SUPT7L: variants seen among roughly 807,000 people sequenced by gnomAD.
The protein encoded by SUPT7L is SPT7 like, STAGA complex subunit gamma, also known as STAGA complex 65 subunit gamma.
A neutral mutation model predicts 35.7 loss-of-function variants in SUPT7L; 15 were observed. The ratio of observed to expected loss-of-function variants is 0.42; its 90% CI spans 0.28 to 0.65. The LOEUF is 0.65. Ranked by LOEUF, SUPT7L falls within the 30% of genes least tolerant of loss-of-function variation. The pLI, the probability that SUPT7L is intolerant of heterozygous loss-of-function variation, is 0.23. For synonymous variants in SUPT7L, 168 were observed against 186.2 expected (o/e 0.90, Z 0.79); for missense variants, 434 against 522.2 (o/e 0.83, Z 1.65).
Position 27,653,768 on chromosome 2 carries a change from G to A in SUPT7L, c.983-21C>T, listed in dbSNP as rs748593811. The A allele has an allele frequency of 4.3e-6, 7 of 1,613,950 alleles. No homozygotes were observed. In the Admixed American group the frequency reaches 8.3e-5, roughly 19 times the overall value. On this transcript the variant is annotated intron_variant, in intron 5 of 5. Coordinates refer to ENST00000337768, the MANE Select transcript of SUPT7L (RefSeq NM_014860.3). ...TGCACCTAGAAACAGAGGAAAGATG[G>A]ACATACACCAAGTGTATATGTGTAG...
At position 27,657,306 on chromosome 2, in the gene SUPT7L, A is replaced by G. The variant is rs759200654; in HGVS notation, c.744+39T>C. 6.3e-7 allele frequency: 1 copy of G among 1,595,476 alleles called. No homozygotes were observed. The highest frequency in any genetic ancestry group is 8.6e-7 in the Non-Finnish European group (1 of 1,168,894). Reference sequence around the variant, plus strand: ...ATCCTGCTGAACACTCCGAGATTGCACAGACATCTGTGCCCACTTTTCAAC... The same window carrying G: ...ATCCTGCTGAACACTCCGAGATTGCGCAGACATCTGTGCCCACTTTTCAAC... On this transcript the variant is annotated intron_variant, in intron 4 of 5. Transcript: ENST00000337768. This position sits in a 1 kb window ranked among gnomAD's most constrained non-coding sequence, Gnocchi z 5.2.
Position 27,659,987 on chromosome 2 carries a change from C to G in SUPT7L, c.419+997G>C, listed in dbSNP as rs76519501. On this transcript the variant is annotated intron_variant, in intron 3 of 5. Transcript: ENST00000337768. ...ATTGGCATTAAATACAACTTGCACA[C>G]TGACATCTAGTAGCAGCTCTAGGTT... 3.3e-5 allele frequency among the ~76,000 whole-genome samples: 5 copies of G among 152,178 alleles called. No individual in the cohort carries two copies. The East Asian group carries it at 9.6e-4, about 29-fold the overall frequency.
rs1398254332 is a variant in SUPT7L, at chr2:27,653,712, C to T, written c.1018G>A (p.Ala340Thr). 4 of 1,614,012 alleles carry T rather than the reference C, an allele frequency of 2.5e-6. No homozygotes were observed. Among genetic ancestry groups the T allele is most frequent in the Non-Finnish European group, 2.5e-6 (3 of 1,180,032 alleles). ...EVNASPLWNL[A>T]HVKMEPQESE... ...TCTTGAGGCTCCATTTTCACATGGG[C>T]CAGATTCCAAAGAGGAGAAGCATTT... is the stretch of plus-strand genomic sequence containing the variant. The change falls in exon 6 of 6, where the codon GCC becomes ACC. Residue 340 changes from alanine (A) to threonine (T), a missense_variant. Ala to Thr is a moderately conservative substitution (Grantham distance 58, BLOSUM62 0). Coordinates refer to ENST00000337768, the MANE Select transcript of SUPT7L (RefSeq NM_014860.3).
chr2:27,658,094 C>T (rs1052937093), intron 3 of SUPT7L, among the ~76,000 whole-genome samples: 2 of 152,258 alleles, frequency 1.3e-5, no homozygotes, highest in East Asian at 1.9e-4. Flanking sequence ...TAGAAATTCA[C>T]AGTTCCAATA....
chr2:27,654,731 A>G (rs1383487464), intron 5 of SUPT7L, among the ~76,000 whole-genome samples: 2 of 152,062 alleles, frequency 1.3e-5, no homozygotes, highest in African/African-American at 4.8e-5. Flanking sequence ...CACGCCCAGC[A>G]TATTTTTTGT....
At chr2:27,650,311 CAG>C, downstream of SUPT7L, 1 of 598,152 alleles carries the variant, frequency 1.7e-6, no homozygotes, top group Non-Finnish European at 3.0e-6. Flanking sequence ...TAATTTTCCT[CAG>C]AGTAGCAAAG....
At chr2:27,662,756 T>C (rs1030005446) in intron 1 of SUPT7L, among the ~76,000 whole-genome samples, 5 of 152,134 alleles carry the variant, frequency 3.3e-5, no homozygotes, top group East Asian at 1.9e-4. Flanking sequence ...GTTGAATGTT[T>C]ACTATATGCC....
Position 27,653,693 on chromosome 2 carries a change from G to C in SUPT7L, c.1037C>G (p.Pro346Arg). ...GACATTGCCTTCTTCACTTTCTTGA[G>C]GCTCCATTTTCACATGGGCCAGATT... ...LWNLAHVKMEPQESEEGNVSG... is the reference protein window; with the variant it reads ...LWNLAHVKMERQESEEGNVSG... The change falls in exon 6 of 6, where the codon CCT (proline) becomes CGT (arginine). Residue 346 changes from proline (P) to arginine (R), a missense_variant. Around this residue, in one of 3 missense-constraint regions of SUPT7L, gnomAD observed 159 missense variants for 217.1 expected, o/e 0.73. Coordinates refer to ENST00000337768, the MANE Select transcript of SUPT7L (RefSeq NM_014860.3). The C allele has an allele frequency of 6.2e-7, 1 of 1,614,156 alleles. No homozygotes were observed. The highest frequency in any genetic ancestry group is 8.5e-7 in the Non-Finnish European group (1 of 1,180,038).
chr2:27,644,542 AT>A, the SUPT7L span, among the ~76,000 whole-genome samples: 2 of 150,438 alleles, frequency 1.3e-5, no homozygotes, highest in African/African-American at 4.9e-5. Context: ...GAATTCACCT[AT>A]TTTTTTTTAT....
Position 27,663,439 on chromosome 2 carries a change from C to T in SUPT7L, c.-200G>A, listed in dbSNP as rs1311313945. On this transcript the variant is annotated 5_prime_UTR_variant, in exon 1 of 6. Coordinates refer to ENST00000337768, the MANE Select transcript of SUPT7L (RefSeq NM_014860.3). ...GGCGCCAATCACAGGGTCCTGAGGT[C>T]GCCTGACGTTCAGGGCAGCCGGAAG... is the stretch of plus-strand genomic sequence containing the variant. 3 of 331,722 alleles carry T rather than the reference C, an allele frequency of 9.0e-6. No homozygotes were observed. Among genetic ancestry groups the T allele is most frequent in the African/African-American group, 4.3e-5 (2 of 46,894 alleles). 20.5% of individuals were successfully genotyped at this position (331,722 alleles called of 1,614,324 possible).
chr2:27,658,110 A>T (rs1674888574), intron 3 of SUPT7L, among the ~76,000 whole-genome samples: 1 of 152,170 alleles, frequency 6.6e-6, no homozygotes, highest in Admixed American at 6.5e-5. Context: ...CAATAAAGAG[A>T]TTCTTCACAG....
At chr2:27,661,789 C>T (rs1675123834) in intron 2 of SUPT7L, 3 of 430,908 alleles carry the variant, frequency 7.0e-6, no homozygotes, top group Non-Finnish European at 1.2e-5. Context: ...TACCATCACG[C>T]TCAATCCTGA....
chr2:27,652,170 A>G lies in SUPT7L; in HGVS notation c.*1315T>C, dbSNP rs1007267067. On this transcript the variant is annotated 3_prime_UTR_variant, in exon 6 of 6. Transcript: ENST00000337768. The stretch of plus-strand genomic sequence containing the variant: ...CTCAAAAATAAATAAATAAATAAAT[A>G]AATTAAAAAAAAGACTGTGACAGAA... The G allele has an allele frequency of 2.2e-5, 2 of 91,900 alleles. No homozygotes were observed. The highest frequency in any genetic ancestry group is 9.0e-3 in the Middle Eastern group (2 of 222). 5.7% of individuals were successfully genotyped at this position (91,900 alleles called of 1,614,324 possible). A position where few individuals can be genotyped will look rare whatever the true frequency, so the allele number is the denominator to read the frequency against.
chr2:27,648,672 A>G (rs938069422), downstream of SUPT7L, among the ~76,000 whole-genome samples: 2 of 152,082 alleles, frequency 1.3e-5, no homozygotes, highest in Non-Finnish European at 2.9e-5. Flanking sequence ...GTTTTGCTTC[A>G]TTGCCCAGGC....
At chr2:27,642,956 TATACACACAC>T in the SUPT7L span, among the ~76,000 whole-genome samples, 57 of 85,828 alleles carry the variant, frequency 6.6e-4, no homozygotes, top group Admixed American at 1.2e-3. Flanking sequence ...TATATATATA[TATACACACAC>T]ACACACACAC....
At chr2:27,654,846 G>A (rs1046273513) in intron 5 of SUPT7L, among the ~76,000 whole-genome samples, 6 of 152,080 alleles carry the variant, frequency 3.9e-5, no homozygotes, top group Admixed American at 1.3e-4. Context: ...GATTACAGGC[G>A]TGAGCCACTG....
chr2:27,647,263 C>G (rs1674282672), downstream of SUPT7L, among the ~76,000 whole-genome samples: 1 of 151,804 alleles, frequency 6.6e-6, no homozygotes, highest in Non-Finnish European at 1.5e-5. Flanking sequence ...TTAGACTTCT[C>G]TCTGATTACT....
At chr2:27,647,918 C>T (rs1674317521), downstream of SUPT7L, 19 of 1,609,808 alleles carry the variant, frequency 1.2e-5, no homozygotes, top group East Asian at 1.8e-4. Flanking sequence ...AAGCAGACAG[C>T]GATACTGATG....
Position 27,661,213 on chromosome 2 carries a change from T to A in SUPT7L, c.190A>T (p.Ile64Phe), listed in dbSNP as rs1400919268. 1 of 1,613,906 alleles carries A rather than the reference T, an allele frequency of 6.2e-7. No individual in the cohort carries two copies. Among genetic ancestry groups the A allele is most frequent in the African/African-American group, 1.3e-5 (1 of 74,902 alleles). The change falls in exon 3 of 6, where the codon ATC becomes TTC. Residue 64 changes from isoleucine to phenylalanine, a missense_variant. By Grantham distance (21) the Ile-to-Phe change is conservative. Coordinates refer to ENST00000337768, the MANE Select transcript of SUPT7L (RefSeq NM_014860.3). ...TGCTGAATCAACTGAATCGTATGGA[T>A]GGTGAGACTACATGGCTCTGAGGGG... ...DIPSEPCSLT[I>F]HTIQLIQHNR...
Sources: gnomAD v4.1 joint callset for allele counts (sites outside exome capture counted in the v4.1 genomes callset) on GRCh38, gnomAD v4.1.1 for gene constraint, gnomAD v4.1.1 regional missense constraint, Gnocchi (gnomAD v3.1) non-coding constraint, MANE v1.5 for transcripts, NCBI Gene and HGNC (gene_info 2026-07-23, HGNC 2026-07-21) for gene names.